Variants in PMFBP1 observed in about 807,000 individuals in gnomAD.
PMFBP1 encodes the protein polyamine-modulated factor 1-binding protein 1.
In PMFBP1, 131 loss-of-function variants were observed where a neutral mutation model predicts 137.8. The ratio of observed to expected loss-of-function variants is 0.95; its 90% CI spans 0.82 to 1.10. PMFBP1 has a LOEUF of 1.10. Among genes scored for constraint, PMFBP1 ranks in the 50% least tolerant of loss-of-function variants. The pLI, the probability that PMFBP1 is intolerant of heterozygous loss-of-function variation, is 0.00. For missense variants in PMFBP1, 1,199 were observed against 1,175.4 expected, an observed-to-expected ratio of 1.02 and a Z score of -0.29; for synonymous variants, 490 against 450.4, an observed-to-expected ratio of 1.09 and a Z score of -1.11.
At chr16:72,171,540 C>T (rs182447733) in intron 1 of PMFBP1, 1 of 352,256 alleles carries the variant, frequency 2.8e-6, no homozygotes, top group Admixed American at 4.2e-5. Context: ...AGCAAAAAGT[C>T]TGAATCGAGT....
At chr16:72,126,160 G>C (rs1045580685) in intron 14 of PMFBP1, 28 bp from the exon 15 acceptor site, 4 of 1,610,998 alleles carry the variant, frequency 2.5e-6, no homozygotes, top group Non-Finnish European at 3.4e-6. Context: ...AGAACTGTCA[G>C]GGTGCCAGGT....
At chr16:72,120,400 C>A (rs1320724118) in intron 19 of PMFBP1, among the ~76,000 whole-genome samples, 3 of 152,128 alleles carry the variant, frequency 2.0e-5, no homozygotes, top group Non-Finnish European at 4.4e-5. Flanking sequence ...ATACGAGGAT[C>A]TGGTTTGATA....
chr16:72,194,452 A>C, the PMFBP1 span, among the ~76,000 whole-genome samples: 1 of 152,098 alleles, frequency 6.6e-6, no homozygotes, highest in Non-Finnish European at 1.5e-5. Context: ...TTTTTATTCA[A>C]GGCATCCTGG....
the PMFBP1 span, among the ~76,000 whole-genome samples, chr16:72,224,184 A>G: frequency 6.6e-6 from 1 of 152,206 alleles, no homozygotes; most frequent in Admixed American, 6.5e-5. Context: ...CCTCATGTCC[A>G]AATCGGTGTC....
At chr16:72,154,164 C>A in intron 4 of PMFBP1, 47 bp downstream of exon 4, 1 of 1,597,184 alleles carries the variant, frequency 6.3e-7, no homozygotes, top group Admixed American at 1.7e-5. Context: ...CTGATTTCTG[C>A]AGGTACCTAA....
At chr16:72,205,848 A>G in the PMFBP1 span, among the ~76,000 whole-genome samples, 2 of 152,144 alleles carry the variant, frequency 1.3e-5, no homozygotes, top group African/African-American at 2.4e-5. Context: ...GCATAACCTA[A>G]GCAGGTACGT....
chr16:72,195,502 C>G, the PMFBP1 span, among the ~76,000 whole-genome samples: 3 of 152,148 alleles, frequency 2.0e-5, no homozygotes, highest in Admixed American at 6.5e-5. Context: ...CTTGCTAACC[C>G]CTCCTGCCTC....
At chr16:72,181,154 G>C (rs1015954096), upstream of PMFBP1, among the ~76,000 whole-genome samples, 2 of 151,512 alleles carry the variant, frequency 1.3e-5, no homozygotes, top group African/African-American at 4.9e-5. Context: ...CAGGAGAATC[G>C]CTTGAACTCA....
the PMFBP1 span, among the ~76,000 whole-genome samples, chr16:72,185,384 C>A: frequency 6.6e-6 from 1 of 152,080 alleles, no homozygotes; most frequent in Non-Finnish European, 1.5e-5. Context: ...CAGAGCTCTA[C>A]TGAACTATGT....
intron 7 of PMFBP1, among the ~76,000 whole-genome samples, chr16:72,137,755 G>A (rs2042654883): frequency 1.3e-5 from 2 of 152,202 alleles, no homozygotes. Flanking sequence ...GAGAAGGCAG[G>A]AACATGTGGC....
chr16:72,144,305 A>T (rs1013849263), intron 5 of PMFBP1, among the ~76,000 whole-genome samples: 1 of 152,160 alleles, frequency 6.6e-6, no homozygotes, highest in African/African-American at 2.4e-5. Context: ...GAAAAGAAAT[A>T]AAAAAATGGC....
intron 3 of PMFBP1, among the ~76,000 whole-genome samples, chr16:72,164,068 TAA>T (rs78632399): frequency 7.0e-6 from 1 of 143,880 alleles, no homozygotes. Flanking sequence ...AACATTGGGT[TAA>T]AAAAAAAAAG....
the PMFBP1 span, among the ~76,000 whole-genome samples, chr16:72,208,783 C>T: frequency 6.6e-6 from 1 of 152,192 alleles, no homozygotes; most frequent in African/African-American, 2.4e-5. Context: ...CAGGGAAGTA[C>T]ACCTTTCAGG....
At chr16:72,167,963 CCT>C (rs1300254335) in intron 2 of PMFBP1, among the ~76,000 whole-genome samples, 1 of 152,218 alleles carries the variant, frequency 6.6e-6, no homozygotes, top group Non-Finnish European at 1.5e-5. Flanking sequence ...TTTTGGATGT[CCT>C]CTGAGTAGAA....
the PMFBP1 span, among the ~76,000 whole-genome samples, chr16:72,216,330 T>G: frequency 2.6e-5 from 4 of 152,226 alleles, no homozygotes; most frequent in Admixed American, 6.5e-5. Context: ...TCATCACAGC[T>G]TAGCCTATCC....
chr16:72,140,383 A>G, intron 6 of PMFBP1, 29 bp downstream of exon 6: 1 of 1,588,122 alleles, frequency 6.3e-7, no homozygotes, highest in Non-Finnish European at 8.6e-7. Context: ...AGGGTCTCCC[A>G]GAGACATGTT....
chr16:72,187,088 G>T, the PMFBP1 span, among the ~76,000 whole-genome samples: 1 of 150,322 alleles, frequency 6.7e-6, no homozygotes, highest in Non-Finnish European at 1.5e-5. Flanking sequence ...ACTCCAGGCT[G>T]GGTGACAAAG....
At chr16:72,237,755 C>T in the PMFBP1 span, among the ~76,000 whole-genome samples, 3 of 152,062 alleles carry the variant, frequency 2.0e-5, no homozygotes, top group African/African-American at 7.2e-5. Flanking sequence ...GGTATGAAGC[C>T]TACTACTCCT....
upstream of PMFBP1, among the ~76,000 whole-genome samples, chr16:72,173,265 T>A (rs1596984116): frequency 1.3e-5 from 2 of 152,234 alleles, no homozygotes; most frequent in African/African-American, 4.8e-5. Flanking sequence ...AACTATGAAC[T>A]CACCCAAGTA....
Sources: gnomAD v4.1 joint callset for allele counts (sites outside exome capture counted in the v4.1 genomes callset) on GRCh38, gnomAD v4.1.1 for gene constraint, MANE v1.5 for transcripts, NCBI Gene and HGNC (gene_info 2026-07-23, HGNC 2026-07-21) for gene names.